B3GLCT: variants seen among roughly 807,000 people sequenced by gnomAD.
B3GLCT encodes beta 3-glucosyltransferase.
Under a neutral mutation model 63.4 loss-of-function variants are expected in B3GLCT, and 65 were observed. The ratio of observed to expected loss-of-function variants is 1.03; its 90% CI spans 0.84 to 1.26. The LOEUF (loss-of-function observed/expected upper bound fraction) is 1.26, where lower values mean the gene tolerates loss of function less well. B3GLCT is among the 50% of genes most tolerant of loss of function. B3GLCT has a pLI of 0.00. For synonymous variants in B3GLCT, 233 were observed against 219.2 expected, an observed-to-expected ratio of 1.06 and a Z score of -0.55; for missense variants, 577 against 604.8, an observed-to-expected ratio of 0.95 and a Z score of 0.48.
chr13:31,323,773 G>T lies in B3GLCT; in HGVS notation c.1207G>T (p.Val403Phe). Residue 403 changes from valine to phenylalanine, a missense_variant, in exon 14 of 15, where the codon GTC (valine) becomes TTC (phenylalanine). Physicochemically the swap from Val to Phe is conservative, Grantham distance 50. Coordinates refer to ENST00000343307, the MANE Select transcript of B3GLCT (RefSeq NM_194318.4). Reference protein sequence around the residue: ...GGGMVFSREAVRRLLASKCRC... With the variant: ...GGGMVFSREAFRRLLASKCRC... ...TAGAATGGTCTTCAGCAGAGAAGCC[G>T]TCAGGAGACTTCTCGCCAGTAAATG... 6.2e-7 allele frequency: 1 copy of T among 1,614,136 alleles called. No homozygotes were observed. The highest frequency in any genetic ancestry group is 8.5e-7 in the Non-Finnish European group (1 of 1,180,006).
chr13:31,320,254 A>T (rs544278160), intron 13 of B3GLCT, among the ~76,000 whole-genome samples: 1 of 152,162 alleles, frequency 6.6e-6, no homozygotes, highest in Non-Finnish European at 1.5e-5. Flanking sequence ...ATCTAAGACA[A>T]AGAGATGATC....
At chr13:31,292,105 A>T (rs564745523) in intron 12 of B3GLCT, among the ~76,000 whole-genome samples, 26 of 152,192 alleles carry the variant, frequency 1.7e-4, no homozygotes, top group Admixed American at 7.2e-4. Context: ...TGTTTATGTA[A>T]TGGATTACAT....
At chr13:31,256,772 G>A (rs1301862088) in intron 6 of B3GLCT, among the ~76,000 whole-genome samples, 1 of 152,120 alleles carries the variant, frequency 6.6e-6, no homozygotes, top group Non-Finnish European at 1.5e-5. Flanking sequence ...GAGCCTTGTG[G>A]GCGGTGGGGG....
chr13:31,227,975 C>G (rs1049650521), intron 3 of B3GLCT, among the ~76,000 whole-genome samples: 7 of 152,188 alleles, frequency 4.6e-5, no homozygotes, highest in African/African-American at 1.7e-4. Flanking sequence ...GTTATAGGCC[C>G]AGAACCTGGG....
At chr13:31,211,586 TG>T (rs1312902684) in intron 1 of B3GLCT, among the ~76,000 whole-genome samples, 2 of 151,358 alleles carry the variant, frequency 1.3e-5, no homozygotes, top group African/African-American at 4.9e-5. Flanking sequence ...TTTTTTGGTT[TG>T]GGTTTTTTTT....
intron 12 of B3GLCT, among the ~76,000 whole-genome samples, chr13:31,300,244 T>TC (rs756601825): frequency 9.2e-5 from 14 of 152,166 alleles, no homozygotes; most frequent in Admixed American, 2.6e-4. Flanking sequence ...CTCCTTGCAT[T>TC]CCCCAGGTAG....
In B3GLCT at chr13:31,327,770, A is replaced by AT. The variant is rs1331530071; in HGVS notation, c.1330-1725dup. ...TCTGTTAGACTGTATTCCAGTGTGT[A>AT]TTTTTTGTCTGTCTCACTGTTTTTT... is the stretch of plus-strand genomic sequence containing the variant. On this transcript the variant is annotated intron_variant, in intron 14 of 14. Transcript: ENST00000343307. Among the ~76,000 whole-genome samples the AT allele has an allele frequency of 3.3e-5, 5 of 152,240 alleles. No homozygotes were observed. In the East Asian group the frequency reaches 9.6e-4, roughly 29 times the overall value.
intron 6 of B3GLCT, among the ~76,000 whole-genome samples, chr13:31,252,016 C>G (rs1004371929): frequency 1.3e-5 from 2 of 152,326 alleles, no homozygotes; most frequent in Admixed American, 6.5e-5. Context: ...AACAGCGGAT[C>G]TCTCAGCAGA....
intron 1 of B3GLCT, among the ~76,000 whole-genome samples, chr13:31,212,377 C>T (rs1488598207): frequency 2.7e-5 from 4 of 150,018 alleles, no homozygotes; most frequent in Non-Finnish European, 5.9e-5. Flanking sequence ...TGGGTTCAAG[C>T]GATTCTCCTG....
At chr13:31,295,869 ACTC>A (rs550179583) in intron 12 of B3GLCT, among the ~76,000 whole-genome samples, 22 of 151,122 alleles carry the variant, frequency 1.5e-4, no homozygotes, top group Non-Finnish European at 2.5e-4. Context: ...GTATAAAAAA[ACTC>A]CTGCAGCTAT....
chr13:31,200,459 G>A (rs1461472628), intron 1 of B3GLCT, among the ~76,000 whole-genome samples: 13 of 149,824 alleles, frequency 8.7e-5, no homozygotes, highest in Admixed American at 8.6e-4. Context: ...ACCGGCGGGC[G>A]ACGGGGCGGC....
intron 2 of B3GLCT, among the ~76,000 whole-genome samples, chr13:31,222,268 G>A (rs1429756644): frequency 6.6e-6 from 1 of 151,866 alleles, no homozygotes; most frequent in Admixed American, 6.6e-5. Flanking sequence ...TAGTAGCGGT[G>A]GGGTTTTCCG....
intron 8 of B3GLCT, among the ~76,000 whole-genome samples, chr13:31,273,242 G>A (rs929157354): frequency 9.2e-5 from 14 of 152,008 alleles, no homozygotes; most frequent in African/African-American, 1.7e-4. Flanking sequence ...CTACAGGCGC[G>A]TGCCACCACG....
chr13:31,280,555 T>C (rs1039559251), intron 10 of B3GLCT, among the ~76,000 whole-genome samples: 19 of 152,178 alleles, frequency 1.2e-4, no homozygotes. Flanking sequence ...CATTATATGT[T>C]GGTTACCTTC....
At chr13:31,273,187 C>T (rs9530139) in intron 8 of B3GLCT, among the ~76,000 whole-genome samples, 29,952 of 152,104 alleles carry the variant, frequency 0.2, 3,010 homozygotes, top group East Asian at 0.24. Context: ...CTCCATCTCC[C>T]GGGTTCAAGC....
intron 2 of B3GLCT, 53 bp from the exon 3 acceptor site, chr13:31,222,899 C>A: frequency 8.3e-7 from 1 of 1,208,942 alleles, no homozygotes; most frequent in Non-Finnish European, 1.2e-6. Flanking sequence ...CAGTGTACTG[C>A]TGGCTTTGTT....
At chr13:31,226,023 A>G (rs1366862706) in intron 3 of B3GLCT, among the ~76,000 whole-genome samples, 1 of 152,230 alleles carries the variant, frequency 6.6e-6, no homozygotes, top group Non-Finnish European at 1.5e-5. Flanking sequence ...GGGAGACTGC[A>G]GAGATACCAC....
At chr13:31,268,678 A>T (rs1371858500) in intron 7 of B3GLCT, among the ~76,000 whole-genome samples, 2 of 151,996 alleles carry the variant, frequency 1.3e-5, no homozygotes, top group Non-Finnish European at 2.9e-5. Context: ...TGGTCAGGGG[A>T]ATGGTAGGGC....
chr13:31,266,099 G>T (rs997549397), intron 7 of B3GLCT, among the ~76,000 whole-genome samples: 2 of 151,976 alleles, frequency 1.3e-5, no homozygotes, highest in African/African-American at 4.8e-5. Flanking sequence ...CCGGGTTCAC[G>T]CCATTCTCCT....
Sources: allele counts gnomAD v4.1 joint callset (sites outside exome capture counted in the v4.1 genomes callset), GRCh38; gene constraint gnomAD v4.1.1; transcripts MANE v1.5; gene names NCBI Gene and HGNC (gene_info 2026-07-23, HGNC 2026-07-21).